Variants in SCAI observed in about 807,000 individuals in gnomAD.
SCAI encodes suppressor of cancer cell invasion.
A neutral mutation model predicts 92.2 loss-of-function variants in SCAI; 24 were observed. That is an observed-to-expected ratio of 0.26 (90% CI 0.19 to 0.37). The LOEUF is 0.37. Among genes scored for constraint, SCAI ranks in the 10% least tolerant of loss-of-function variants. The pLI is 1.00. For missense variants in SCAI, 450 were observed against 736.2 expected (o/e 0.61, Z 4.50); for synonymous variants, 261 against 258.6 (o/e 1.01, Z -0.09).
rs60441292 is a variant in SCAI at position 125,012,065 on chromosome 9, C to T, written c.861+6734G>A. ...ATGGAAAGGAACAACCGGTACTAGC[C>T]ACTGCAAAATCATGCCAAATTGCAA... On this transcript the variant is annotated intron_variant, in intron 9 of 17. Coordinates refer to ENST00000336505, the MANE Select transcript of SCAI (RefSeq NM_001144877.3). Among the ~76,000 whole-genome samples the T allele has an allele frequency of 9.2e-3, 1,401 of 152,274 alleles. 12 individuals are homozygous for T. Among genetic ancestry groups the T allele is most frequent in the East Asian group, 0.035 (180 of 5,186 alleles).
At chr9:125,027,981 C>A (rs193198351) in intron 5 of SCAI, among the ~76,000 whole-genome samples, 7 of 152,286 alleles carry the variant, frequency 4.6e-5, no homozygotes, top group Admixed American at 1.3e-4. Context: ...TAAAAAATAT[C>A]TTTCAAACAT....
chr9:125,000,091 C>A, intron 12 of SCAI, 101 bp from the exon 13 acceptor site: 3 of 533,860 alleles, frequency 5.6e-6, no homozygotes, highest in African/African-American at 3.9e-5. Context: ...TTGATTCAAG[C>A]GAAGATAATT....
At chr9:125,060,444 G>A (rs919908528) in intron 2 of SCAI, among the ~76,000 whole-genome samples, 6 of 152,114 alleles carry the variant, frequency 3.9e-5, no homozygotes, top group African/African-American at 1.4e-4. Flanking sequence ...CAAACAGCCA[G>A]GTATTCTGAA....
intron 2 of SCAI, among the ~76,000 whole-genome samples, chr9:125,106,294 A>C (rs1834799407): frequency 6.6e-6 from 1 of 150,466 alleles, no homozygotes; most frequent in South Asian, 2.1e-4. Context: ...AAGCATTGGA[A>C]GATTCATTTC....
At chr9:125,126,390 GGGGTGTGTGT>G (rs1835275631) in intron 2 of SCAI, among the ~76,000 whole-genome samples, 1 of 129,908 alleles carries the variant, frequency 7.7e-6, no homozygotes, top group Non-Finnish European at 1.5e-5. Context: ...AAGTGAGTTG[GGGGTGTGTGT>G]GTGTGTGTGT....
chr9:124,993,406 T>C (rs889156275), intron 14 of SCAI, among the ~76,000 whole-genome samples: 2 of 152,316 alleles, frequency 1.3e-5, no homozygotes, highest in African/African-American at 2.4e-5. Flanking sequence ...CTGAGCAACA[T>C]GGAGAAACCC....
At chr9:125,047,962 T>C in intron 3 of SCAI, among the ~76,000 whole-genome samples, 1 of 152,258 alleles carries the variant, frequency 6.6e-6, no homozygotes, top group East Asian at 1.9e-4. Context: ...AAATTTCTAT[T>C]AGTCATTGAT....
intron 2 of SCAI, among the ~76,000 whole-genome samples, chr9:125,068,825 A>T (rs924107906): frequency 1.3e-5 from 2 of 152,222 alleles, no homozygotes; most frequent in Admixed American, 1.3e-4. Flanking sequence ...GCAGTTAGTG[A>T]TGTTTCAAAA....
At chr9:124,996,696 C>A (rs1832245870) in intron 13 of SCAI, among the ~76,000 whole-genome samples, 1 of 151,978 alleles carries the variant, frequency 6.6e-6, no homozygotes. Context: ...GTGGTATGAT[C>A]TCGGCTCACT....
At chr9:125,106,123 ATATATAT>A (rs1320468467) in intron 2 of SCAI, among the ~76,000 whole-genome samples, 6 of 9,288 alleles carry the variant, frequency 6.5e-4, no homozygotes, top group African/African-American at 1.0e-3. Context: ...AAAAAAAAAA[ATATATAT>A]ATATATATAT....
At position 125,003,584 on chromosome 9, in the gene SCAI, A is replaced by T; in HGVS notation, c.862-14T>A. The stretch of plus-strand genomic sequence containing the variant: ...ACTGAACTTAACCTGCAAGAAAAAA[A>T]AAAACAAACACAACCTAGCCTTAAT... On this transcript the variant is annotated splice_polypyrimidine_tract_variant and intron_variant, in intron 9 of 17. Coordinates refer to ENST00000336505, the MANE Select transcript of SCAI (RefSeq NM_001144877.3). 6.5e-7 allele frequency: 1 copy of T among 1,536,870 alleles called. No individual in the cohort carries two copies. Among genetic ancestry groups the T allele is most frequent in the Non-Finnish European group, 9.0e-7 (1 of 1,115,136 alleles).
In SCAI at chr9:124,942,777, A is replaced by C. The variant is rs1482012556; in HGVS notation, c.*10030T>G. 6.6e-6 allele frequency: 1 copy of C among 152,236 alleles called. No homozygotes were observed. The highest frequency in any genetic ancestry group is 1.5e-5 in the Non-Finnish European group (1 of 68,038). The allele number at this position is 152,236 out of a possible 1,614,324, so 9.4% of individuals were successfully genotyped here. A position where few individuals can be genotyped will look rare whatever the true frequency, so the allele number is the denominator to read the frequency against. On this transcript the variant is annotated 3_prime_UTR_variant, in exon 18 of 18. Transcript: ENST00000336505. ...AATACACTGACAACAAAAATCAAAT[A>C]TTCTCTAATCTCGTTATTCAATAAA...
intron 2 of SCAI, among the ~76,000 whole-genome samples, chr9:125,060,455 T>C (rs1833749319): frequency 6.6e-6 from 1 of 152,214 alleles, no homozygotes; most frequent in African/African-American, 2.4e-5. Context: ...GTATTCTGAA[T>C]ATATAACCAA....
chr9:125,042,634 T>TGTGTGTGTGTGA, intron 3 of SCAI, among the ~76,000 whole-genome samples: 1 of 96,216 alleles, frequency 1.0e-5, no homozygotes, highest in African/African-American at 3.9e-5. Context: ...TGTGTGTGTG[T>TGTGTGTGTGTGA]ACACACACAC....
At chr9:125,095,666 T>C (rs1834533292) in intron 2 of SCAI, among the ~76,000 whole-genome samples, 1 of 152,240 alleles carries the variant, frequency 6.6e-6, no homozygotes, top group African/African-American at 2.4e-5. Flanking sequence ...CTTTGAGAAC[T>C]TGTCCTTAGA....
intron 17 of SCAI, among the ~76,000 whole-genome samples, chr9:124,965,700 T>G (rs1831526312): frequency 6.6e-6 from 1 of 152,230 alleles, no homozygotes; most frequent in Non-Finnish European, 1.5e-5. Context: ...CCTTACTGGA[T>G]TAATTTATCT....
At chr9:125,013,153 A>G (rs1410509221) in intron 9 of SCAI, among the ~76,000 whole-genome samples, 14 of 152,260 alleles carry the variant, frequency 9.2e-5, no homozygotes, top group African/African-American at 3.4e-4. Context: ...TTCAAAAGCT[A>G]GCAGAAGGCA....
intron 3 of SCAI, among the ~76,000 whole-genome samples, chr9:125,038,252 A>G (rs888362965): frequency 6.6e-6 from 1 of 152,226 alleles, no homozygotes; most frequent in Non-Finnish European, 1.5e-5. Context: ...CAAAAAAAGA[A>G]AAGAAATAAT....
chr9:124,975,945 G>A (rs1831745493), intron 15 of SCAI, among the ~76,000 whole-genome samples, 169 bp downstream of exon 15: 1 of 152,164 alleles, frequency 6.6e-6, no homozygotes, highest in Non-Finnish European at 1.5e-5. Flanking sequence ...AAGGGATCCT[G>A]GTTGTTGGCA....
Sources: gnomAD v4.1 joint callset for allele counts (sites outside exome capture counted in the v4.1 genomes callset) on GRCh38, gnomAD v4.1.1 for gene constraint, MANE v1.5 for transcripts, NCBI Gene and HGNC (gene_info 2026-07-23, HGNC 2026-07-21) for gene names.